SVOPL: variants seen among roughly 807,000 people sequenced by gnomAD.
The protein encoded by SVOPL is putative transporter SVOPL.
Under a neutral mutation model 61.0 loss-of-function variants are expected in SVOPL, and 60 were observed. The observed-to-expected ratio is 0.98, with a 90% CI of 0.80 to 1.22. The LOEUF is 1.22. Ranked by LOEUF, SVOPL falls within the 50% of genes most tolerant of loss-of-function variation. SVOPL has a pLI of 0.00. For synonymous variants in SVOPL, 279 were observed against 250.0 expected (o/e 1.12, Z -1.09); for missense variants, 662 against 643.9 (o/e 1.03, Z -0.30).
chr7:138,620,124 GTT>G (rs68156955), intron 14 of SVOPL, among the ~76,000 whole-genome samples: 5 of 114,646 alleles, frequency 4.4e-5, no homozygotes, highest in African/African-American at 6.6e-5. Context: ...TTTCTGTTTT[GTT>G]TTTTTTTTTT....
chr7:138,689,655 G>A (rs1342199373), intron 1 of SVOPL: 4 of 347,692 alleles, frequency 1.2e-5, no homozygotes, highest in African/African-American at 6.5e-5. Flanking sequence ...TCAGCAGTTT[G>A]AGACCAGCCT....
rs111759689 is a variant in SVOPL, at chr7:138,620,936, C to T, written c.1353+110G>A. 2,019 of 1,011,914 alleles carry T rather than the reference C, an allele frequency of 2.0e-3. 26 individuals carry two copies. The African/African-American group carries it at 0.028, about 14-fold the overall frequency. The allele number at this position is 1,011,914 out of a possible 1,614,324, so 62.7% of individuals were successfully genotyped here. On this transcript the variant is annotated intron_variant, in intron 14 of 15. Coordinates refer to ENST00000674285, the MANE Select transcript of SVOPL (RefSeq NM_001139456.2). ...GCAGGGAAACGGCACCTCCAGAAAACTCATGAAGTCAACAGAAATCCTCCG... is the reference window on the plus strand; with the variant it reads ...GCAGGGAAACGGCACCTCCAGAAAATTCATGAAGTCAACAGAAATCCTCCG...
At chr7:138,633,684 A>C (rs1360754895) in intron 9 of SVOPL, among the ~76,000 whole-genome samples, 1 of 151,104 alleles carries the variant, frequency 6.6e-6, no homozygotes, top group Non-Finnish European at 1.5e-5. Context: ...TACATATAAT[A>C]ATGGCGGTAA....
intron 14 of SVOPL, among the ~76,000 whole-genome samples, chr7:138,620,420 T>C (rs113957560): frequency 0.057 from 8,022 of 140,312 alleles, 266 homozygotes; most frequent in Middle Eastern, 0.1. Flanking sequence ...CGCACCCCAG[T>C]CTGGATTTCT....
intron 13 of SVOPL, among the ~76,000 whole-genome samples, chr7:138,624,517 G>C (rs1799809034): frequency 6.6e-6 from 1 of 152,066 alleles, no homozygotes; most frequent in Non-Finnish European, 1.5e-5. Context: ...CAGACCTGTG[G>C]AATATGTCAA....
chr7:138,622,489 C>CGG lies in SVOPL; in HGVS notation c.1264-1356_1264-1355dup, dbSNP rs766847466. 8.5e-3 allele frequency among the ~76,000 whole-genome samples: 738 copies of CGG among 87,048 alleles called. 5 individuals carry two copies. Among genetic ancestry groups the CGG allele is most frequent in the African/African-American group, 0.026 (626 of 23,910 alleles). The allele number at this position is 87,048 out of a possible 152,430, so 57.1% of individuals were successfully genotyped here. Reference sequence around the variant, plus strand: ...TTTGTATTTTTAGTGGAGGCAGCGGCGGGCGGGGGGTCTCTCCAAGTTGGC... The same window carrying CGG: ...TTTGTATTTTTAGTGGAGGCAGCGGCGGGGGCGGGGGGTCTCTCCAAGTTGGC... On this transcript the variant is annotated intron_variant, in intron 13 of 15. Transcript: ENST00000674285.
At chr7:138,650,531 C>A (rs1801371882) in intron 7 of SVOPL, among the ~76,000 whole-genome samples, 2 of 151,072 alleles carry the variant, frequency 1.3e-5, no homozygotes, top group Non-Finnish European at 2.9e-5. Flanking sequence ...GATTTTGGGG[C>A]CAGTGCGGTG....
intron 3 of SVOPL, among the ~76,000 whole-genome samples, chr7:138,677,550 T>C (rs189141831): frequency 2.6e-5 from 4 of 152,296 alleles, no homozygotes; most frequent in African/African-American, 7.2e-5. Flanking sequence ...AGCTGTTCTT[T>C]GTGGGAGAAA....
intron 7 of SVOPL, among the ~76,000 whole-genome samples, chr7:138,654,534 C>T (rs1348350742): frequency 1.4e-5 from 2 of 141,350 alleles, no homozygotes; most frequent in Non-Finnish European, 3.0e-5. Flanking sequence ...GAGTCTCGCT[C>T]TGTCACCCAG....
chr7:138,623,614 A>T (rs939463837), intron 13 of SVOPL, among the ~76,000 whole-genome samples: 1 of 152,114 alleles, frequency 6.6e-6, no homozygotes, highest in African/African-American at 2.4e-5. Flanking sequence ...CAAAAAAAAT[A>T]AAATCAAATA....
At chr7:138,675,520 A>AT (rs1221541373) in intron 3 of SVOPL, among the ~76,000 whole-genome samples, 1 of 151,478 alleles carries the variant, frequency 6.6e-6, no homozygotes, top group Non-Finnish European at 1.5e-5. Context: ...TACCCCGGTA[A>AT]TTTTTTTCTA....
At chr7:138,688,897 G>A (rs1168171051) in intron 1 of SVOPL, 22 of 429,676 alleles carry the variant, frequency 5.1e-5, no homozygotes, top group South Asian at 4.1e-4. Context: ...ACTTGATTTG[G>A]AATTAGGATC....
intron 3 of SVOPL, among the ~76,000 whole-genome samples, chr7:138,673,915 T>C (rs1416841244): frequency 6.6e-6 from 1 of 152,064 alleles, no homozygotes; most frequent in Non-Finnish European, 1.5e-5. Flanking sequence ...CCAGGCGAGG[T>C]GGCTTACGCC....
intron 1 of SVOPL, among the ~76,000 whole-genome samples, chr7:138,690,380 A>C (rs745527063): frequency 2.6e-4 from 39 of 152,170 alleles, no homozygotes; most frequent in South Asian, 1.2e-3. Context: ...GGGAGCCAAA[A>C]GTAGGAATGG....
At chr7:138,699,684 G>C (rs961649090) in intron 1 of SVOPL, among the ~76,000 whole-genome samples, 4 of 152,172 alleles carry the variant, frequency 2.6e-5, no homozygotes, top group African/African-American at 9.7e-5. Flanking sequence ...GGAAGAAGAA[G>C]CTTTCAAACT....
At chr7:138,647,915 A>G (rs948481726) in intron 8 of SVOPL, among the ~76,000 whole-genome samples, 4 of 151,760 alleles carry the variant, frequency 2.6e-5, no homozygotes. Context: ...ACCTGCTTCT[A>G]CATGGGATGC....
At chr7:138,678,690 T>C (rs962074538) in intron 2 of SVOPL, among the ~76,000 whole-genome samples, 165 bp from the exon 3 acceptor site, 15 of 151,990 alleles carry the variant, frequency 9.9e-5, no homozygotes, top group Non-Finnish European at 2.1e-4. Context: ...CCTCCCTCAG[T>C]CTCCTGAGTA....
At chr7:138,689,000 C>T (rs1802880236) in intron 1 of SVOPL, 2 of 666,860 alleles carry the variant, frequency 3.0e-6, no homozygotes, top group Non-Finnish European at 5.6e-6. Context: ...ATTCACTTGA[C>T]CCAGAGAACT....
chr7:138,683,078 AT>A (rs1802734473), intron 1 of SVOPL, among the ~76,000 whole-genome samples: 1 of 152,122 alleles, frequency 6.6e-6, no homozygotes, highest in Non-Finnish European at 1.5e-5. Flanking sequence ...ATATTAAGAA[AT>A]TACTGATGGC....
Sources: allele counts gnomAD v4.1 joint callset (sites outside exome capture counted in the v4.1 genomes callset), GRCh38; gene constraint gnomAD v4.1.1; transcripts MANE v1.5; gene names NCBI Gene and HGNC (gene_info 2026-07-23, HGNC 2026-07-21).